HIBCH: variants seen among roughly 807,000 people sequenced by gnomAD.
The protein encoded by HIBCH is 3-hydroxyisobutyryl-CoA hydrolase.
Under a neutral mutation model 58.2 loss-of-function variants are expected in HIBCH, and 50 were observed. The observed-to-expected ratio is 0.86, with a 90% CI of 0.68 to 1.09. HIBCH has a LOEUF of 1.09. Ranked by LOEUF, HIBCH falls within the 50% of genes least tolerant of loss-of-function variation. HIBCH has a pLI of 0.00. For synonymous variants in HIBCH, 151 were observed against 146.9 expected, an observed-to-expected ratio of 1.03 and a Z score of -0.20; for missense variants, 450 against 449.7, an observed-to-expected ratio of 1.00 and a Z score of -0.01.
chr2:190,265,435 G>A (rs554122230), intron 6 of HIBCH, among the ~76,000 whole-genome samples: 3 of 148,842 alleles, frequency 2.0e-5, no homozygotes, highest in Admixed American at 1.3e-4. Flanking sequence ...GCTGTGAAAC[G>A]TCTGTTCCAA....
Position 190,212,981 on chromosome 2 carries a change from T to G in HIBCH, c.986A>C (p.Glu329Ala). The part of the protein sequence containing the change: ...SKTLQEVLTM[E>A]YRLSQACMRG... ...CATACAAGCTTGACTTAGCCGATACTCCATAGTTAGTACTTCTTGCAAGGT... is the reference window on the plus strand; with the variant it reads ...CATACAAGCTTGACTTAGCCGATACGCCATAGTTAGTACTTCTTGCAAGGT... Residue 329 changes from glutamate to alanine, a missense_variant, in exon 12 of 14, where the codon GAG (glutamate) becomes GCG (alanine). Coordinates refer to ENST00000359678, the MANE Select transcript of HIBCH (RefSeq NM_014362.4). 6.2e-7 allele frequency: 1 copy of G among 1,612,068 alleles called. No individual in the cohort carries two copies. The highest frequency in any genetic ancestry group is 1.1e-5 in the South Asian group (1 of 91,014).
At chr2:190,273,883 C>G in intron 6 of HIBCH, among the ~76,000 whole-genome samples, 1 of 151,882 alleles carries the variant, frequency 6.6e-6, no homozygotes, top group East Asian at 1.9e-4. Context: ...AATCATGGCT[C>G]ACTGCAGCCT....
At chr2:190,199,108 C>T (rs1303413258), downstream of HIBCH, among the ~76,000 whole-genome samples, 1 of 152,162 alleles carries the variant, frequency 6.6e-6, no homozygotes, top group Non-Finnish European at 1.5e-5. Context: ...GGGATAAAGC[C>T]AGACTCTAAC....
chr2:190,272,546 G>A (rs190105812), intron 6 of HIBCH, among the ~76,000 whole-genome samples: 3 of 152,158 alleles, frequency 2.0e-5, no homozygotes, highest in Non-Finnish European at 4.4e-5. Context: ...GAAATGCACA[G>A]GGCAAAAGGT....
chr2:190,190,034 G>C (rs941079501), intron 1 of HIBCH: 4 of 152,130 alleles, frequency 2.6e-5, no homozygotes, highest in African/African-American at 9.7e-5. Flanking sequence ...CCTGGATTTA[G>C]GTGCCCCAGA....
intron 11 of HIBCH, among the ~76,000 whole-genome samples, chr2:190,224,415 G>A (rs1347625077): frequency 6.6e-6 from 1 of 152,058 alleles, no homozygotes; most frequent in South Asian, 2.1e-4. Flanking sequence ...ACACACACAG[G>A]CTTAAAATAA....
At chr2:190,255,828 G>GGAGA (rs56688526) in intron 7 of HIBCH, among the ~76,000 whole-genome samples, 2,435 of 150,190 alleles carry the variant, frequency 0.016, 23 homozygotes, top group South Asian at 0.049. Context: ...GCTTAGGAAT[G>GGAGA]GAGAGAGAGA....
chr2:190,266,169 A>C (rs1687229232), intron 6 of HIBCH, among the ~76,000 whole-genome samples: 1 of 152,202 alleles, frequency 6.6e-6, no homozygotes, highest in South Asian at 2.1e-4. Flanking sequence ...ATGAATTCCA[A>C]GGCCTATTTT....
At chr2:190,233,025 T>C (rs1403592760) in intron 11 of HIBCH, among the ~76,000 whole-genome samples, 6 of 152,098 alleles carry the variant, frequency 3.9e-5, no homozygotes, top group Admixed American at 1.3e-4. Flanking sequence ...TGTGAGTCCT[T>C]CTAGTGGGTT....
At chr2:190,261,063 A>G in intron 7 of HIBCH, 93 bp downstream of exon 7, 1 of 895,918 alleles carries the variant, frequency 1.1e-6, no homozygotes, top group Admixed American at 1.9e-5. Flanking sequence ...CTCACACAAG[A>G]GTCCATCAAT....
intron 2 of HIBCH, among the ~76,000 whole-genome samples, chr2:190,309,559 T>A (rs1366184827): frequency 1.4e-5 from 2 of 139,230 alleles, no homozygotes; most frequent in African/African-American, 5.4e-5. Flanking sequence ...CTATGCTAGA[T>A]TTTTTTTTTT....
At chr2:190,300,515 TG>T (rs1354192308) in intron 2 of HIBCH, among the ~76,000 whole-genome samples, 14 of 152,274 alleles carry the variant, frequency 9.2e-5, no homozygotes, top group African/African-American at 1.9e-4. Flanking sequence ...TTAATGGGGT[TG>T]TTTTTTTCTT....
chr2:190,311,290 G>C (rs1688552174), intron 1 of HIBCH, among the ~76,000 whole-genome samples: 1 of 152,118 alleles, frequency 6.6e-6, no homozygotes, highest in Non-Finnish European at 1.5e-5. Context: ...ACGGAAGGAG[G>C]GATGAACAGT....
chr2:190,285,619 G>T (rs978641478), intron 6 of HIBCH, among the ~76,000 whole-genome samples: 2 of 152,012 alleles, frequency 1.3e-5, no homozygotes, highest in East Asian at 1.9e-4. Context: ...TTAAAACATT[G>T]AACAGGTGGA....
At chr2:190,284,380 TA>T (rs929065364) in intron 6 of HIBCH, among the ~76,000 whole-genome samples, 8 of 148,564 alleles carry the variant, frequency 5.4e-5, no homozygotes, top group Admixed American at 1.3e-4. Context: ...CAGGCTTCTG[TA>T]AAAAAAAAAT....
rs111280457 is a variant in HIBCH, at chr2:190,315,314, C to T, written c.35+4402G>A. On this transcript the variant is annotated intron_variant, in intron 1 of 13. Coordinates refer to ENST00000359678, the MANE Select transcript of HIBCH (RefSeq NM_014362.4). This position sits in a 1 kb window ranked among gnomAD's most constrained non-coding sequence, Gnocchi z 5.4. ...TTTCCTTCAACTGATGTCAACTTGG[C>T]TTTTTAGAACAGTTATTCTCAAAGT... 2.8e-3 allele frequency among the ~76,000 whole-genome samples: 420 copies of T among 152,210 alleles called. No individual in the cohort carries two copies. The highest frequency in any genetic ancestry group is 9.8e-3 in the African/African-American group (405 of 41,522).
intron 6 of HIBCH, among the ~76,000 whole-genome samples, chr2:190,270,586 T>C (rs995344443): frequency 6.6e-6 from 1 of 152,234 alleles, no homozygotes; most frequent in African/African-American, 2.4e-5. Flanking sequence ...TTAGAGAGTA[T>C]GTGATAGCCT....
At chr2:190,288,808 ATT>A (rs1345487433) in intron 5 of HIBCH, among the ~76,000 whole-genome samples, 1 of 152,140 alleles carries the variant, frequency 6.6e-6, no homozygotes, top group Admixed American at 6.5e-5. Context: ...CTGCATTTCT[ATT>A]TTGTCTTTAA....
chr2:190,317,710 G>C (rs1471274996), intron 1 of HIBCH, among the ~76,000 whole-genome samples: 2 of 152,198 alleles, frequency 1.3e-5, no homozygotes, highest in Admixed American at 1.3e-4. Flanking sequence ...AGAGGTTAAG[G>C]TTTGGGAGTG....
Sources: gnomAD v4.1 joint callset for allele counts (sites outside exome capture counted in the v4.1 genomes callset) on GRCh38, gnomAD v4.1.1 for gene constraint, Gnocchi (gnomAD v3.1) non-coding constraint, MANE v1.5 for transcripts, NCBI Gene and HGNC (gene_info 2026-07-23, HGNC 2026-07-21) for gene names.